Variants in KLF12 observed in about 807,000 individuals in gnomAD.
KLF12 encodes the protein Krueppel-like factor 12.
Under a neutral mutation model 37.8 loss-of-function variants are expected in KLF12, and 9 were observed. The ratio of observed to expected loss-of-function variants is 0.24; its 90% CI spans 0.14 to 0.42. The LOEUF is 0.42. Among genes scored for constraint, KLF12 ranks in the 10% least tolerant of loss-of-function variants. The pLI is 1.00. For synonymous variants in KLF12, 208 were observed against 202.1 expected, an observed-to-expected ratio of 1.03 and a Z score of -0.25; for missense variants, 411 against 516.0, an observed-to-expected ratio of 0.80 and a Z score of 1.97.
intron 3 of KLF12, among the ~76,000 whole-genome samples, chr13:73,874,896 C>T (rs1886631720): frequency 6.6e-6 from 1 of 152,092 alleles, no homozygotes; most frequent in African/African-American, 2.4e-5. Context: ...AGAATTATAG[C>T]TCTTTGCCCT....
At chr13:73,912,854 G>A (rs968591993) in intron 3 of KLF12, among the ~76,000 whole-genome samples, 1 of 151,908 alleles carries the variant, frequency 6.6e-6, no homozygotes, top group Non-Finnish European at 1.5e-5. Flanking sequence ...ACAATATTAA[G>A]CTCCTTCTTC....
At chr13:74,190,054 C>A in the KLF12 span, among the ~76,000 whole-genome samples, 2 of 151,844 alleles carry the variant, frequency 1.3e-5, no homozygotes, top group African/African-American at 2.4e-5. Flanking sequence ...CAAAGAGTAA[C>A]CTTGTCACAT....
intron 5 of KLF12, among the ~76,000 whole-genome samples, chr13:73,774,382 A>G (rs1320438394): frequency 1.3e-5 from 2 of 151,898 alleles, no homozygotes; most frequent in African/African-American, 4.8e-5. Flanking sequence ...AAAATGATGT[A>G]CCTTAAAGAA....
intron 3 of KLF12, among the ~76,000 whole-genome samples, chr13:73,884,470 G>A (rs1594210352): frequency 6.6e-6 from 1 of 152,210 alleles, no homozygotes; most frequent in Non-Finnish European, 1.5e-5. Context: ...TTTAAATCAG[G>A]AACACTGGAC....
intron 1 of KLF12, among the ~76,000 whole-genome samples, chr13:74,099,743 T>A (rs558438009): frequency 5.1e-4 from 78 of 152,196 alleles, no homozygotes; most frequent in Non-Finnish European, 2.1e-4. Context: ...CACCCACTAG[T>A]CATGGCTCTG....
intron 4 of KLF12, among the ~76,000 whole-genome samples, chr13:73,834,603 C>T (rs898263498): frequency 5.9e-5 from 9 of 152,188 alleles, no homozygotes; most frequent in African/African-American, 2.2e-4. Context: ...CTTTGCCTTT[C>T]AGGTTCAGCC....
intron 2 of KLF12, among the ~76,000 whole-genome samples, chr13:73,977,217 A>AT (rs761542791): frequency 2.6e-5 from 4 of 151,518 alleles, no homozygotes; most frequent in Non-Finnish European, 2.9e-5. Flanking sequence ...TAGCTTTTGT[A>AT]TTTTTTTTGT....
chr13:74,082,531 C>G (rs1689591042), intron 1 of KLF12, among the ~76,000 whole-genome samples: 2 of 151,888 alleles, frequency 1.3e-5, no homozygotes, highest in Admixed American at 1.3e-4. Flanking sequence ...TTTTCCAACC[C>G]CTCTGACACC....
At chr13:74,114,026 AGAATTAGAAGTAGAGCCT>A (rs1332144360) in intron 1 of KLF12, among the ~76,000 whole-genome samples, 16 of 150,982 alleles carry the variant, frequency 1.1e-4, no homozygotes, top group Admixed American at 9.9e-4. Flanking sequence ...CAAGAGAAAT[AGAATTAGAAGTAGAGCCT>A]GAAAATGTGA....
chr13:74,172,898 A>G, the KLF12 span, among the ~76,000 whole-genome samples: 1 of 152,212 alleles, frequency 6.6e-6, no homozygotes, highest in African/African-American at 2.4e-5. Context: ...CAACATCTAA[A>G]TATATACCCT....
intron 1 of KLF12, among the ~76,000 whole-genome samples, chr13:74,101,012 A>C (rs1876311040): frequency 6.6e-6 from 1 of 152,198 alleles, no homozygotes; most frequent in South Asian, 2.1e-4. Flanking sequence ...TCTGAAGGCC[A>C]TCACCACACC....
intron 1 of KLF12, among the ~76,000 whole-genome samples, chr13:74,028,931 A>G (rs1199987206): frequency 1.3e-5 from 2 of 152,156 alleles, no homozygotes; most frequent in African/African-American, 4.8e-5. Flanking sequence ...GTTTGCAGTT[A>G]TCACTATTAA....
At chr13:74,199,664 A>T in the KLF12 span, among the ~76,000 whole-genome samples, 1 of 152,210 alleles carries the variant, frequency 6.6e-6, no homozygotes, top group Non-Finnish European at 1.5e-5. Flanking sequence ...TTTTAAGTGA[A>T]ACAAAAGAAT....
the KLF12 span, among the ~76,000 whole-genome samples, chr13:74,186,884 G>A: frequency 6.6e-6 from 1 of 152,170 alleles, no homozygotes; most frequent in South Asian, 2.1e-4. Context: ...GACATAGACA[G>A]TATGTGCAAG....
At chr13:74,131,049 A>G (rs1878236112) in intron 1 of KLF12, among the ~76,000 whole-genome samples, 1 of 152,208 alleles carries the variant, frequency 6.6e-6, no homozygotes, top group Admixed American at 6.5e-5. Context: ...CCCAAACTCT[A>G]GATTAACCAA....
At chr13:74,189,904 G>T in the KLF12 span, among the ~76,000 whole-genome samples, 5 of 151,512 alleles carry the variant, frequency 3.3e-5, no homozygotes, top group Admixed American at 3.3e-4. Flanking sequence ...TTAATGTTTC[G>T]ACTAGTCGAA....
intron 5 of KLF12, among the ~76,000 whole-genome samples, chr13:73,791,973 G>A (rs1025338115): frequency 2.0e-5 from 3 of 152,134 alleles, no homozygotes; most frequent in African/African-American, 7.2e-5. Context: ...ACCTAAATCA[G>A]CTATTTTCAA....
the KLF12 span, among the ~76,000 whole-genome samples, chr13:74,219,391 C>T: frequency 1.3e-5 from 2 of 152,140 alleles, no homozygotes; most frequent in Non-Finnish European, 2.9e-5. Flanking sequence ...CCTGTATAAT[C>T]CTCTTAATAC....
intron 2 of KLF12, among the ~76,000 whole-genome samples, chr13:73,962,246 T>C (rs957791241): frequency 1.3e-5 from 2 of 152,194 alleles, no homozygotes; most frequent in Non-Finnish European, 2.9e-5. Flanking sequence ...GGTAATATCC[T>C]ATATGATTTC....
Sources: allele counts gnomAD v4.1 joint callset (sites outside exome capture counted in the v4.1 genomes callset), GRCh38; gene constraint gnomAD v4.1.1; transcripts MANE v1.5; gene names NCBI Gene and HGNC (gene_info 2026-07-23, HGNC 2026-07-21).